Variants in EBF3 observed in about 807,000 individuals in gnomAD.
EBF3 encodes EBF transcription factor 3, also known as transcription factor COE3.
In EBF3, 18 loss-of-function variants were observed where a neutral mutation model predicts 77.1. The observed-to-expected ratio is 0.23, with a 90% CI of 0.16 to 0.35. EBF3 has a LOEUF of 0.35. Ranked by LOEUF, EBF3 falls within the 10% of genes least tolerant of loss-of-function variation. The pLI is 1.00. For missense variants in EBF3, 558 were observed against 860.0 expected, an observed-to-expected ratio of 0.65 and a Z score of 4.39; for synonymous variants, 350 against 343.5, an observed-to-expected ratio of 1.02 and a Z score of -0.21.
rs371998392 is a variant in EBF3 at position 129,873,449 on chromosome 10, T to C, written c.781+3A>G. The C allele has an allele frequency of 6.6e-6, 10 of 1,526,456 alleles. No homozygotes were observed. The highest frequency in any genetic ancestry group is 8.8e-6 in the Non-Finnish European group (10 of 1,135,138). 94.6% of individuals were successfully genotyped at this position (1,526,456 alleles called of 1,614,324 possible). A position where few individuals can be genotyped will look rare whatever the true frequency, so the allele number is the denominator to read the frequency against. On this transcript the variant is annotated splice_donor_region_variant and intron_variant, in intron 8 of 16. Coordinates refer to ENST00000440978, the MANE Select transcript of EBF3 (RefSeq NM_001375380.1). ...TAAAAAAAGACATGTAACATGTGCC[T>C]ACCATTTTCCAGATAAGAAGGGGCC...
Position 129,878,692 on chromosome 10 carries a change from G to A in EBF3, c.555-843C>T, listed in dbSNP as rs1589769148. Among the ~76,000 whole-genome samples, 3 of 139,246 alleles carry A rather than the reference G, an allele frequency of 2.2e-5. No homozygotes were observed. In the South Asian group the frequency reaches 7.1e-4, roughly 33 times the overall value. 91.4% of individuals were successfully genotyped at this position (139,246 alleles called of 152,430 possible). On this transcript the variant is annotated intron_variant, in intron 6 of 16. Coordinates refer to ENST00000440978, the MANE Select transcript of EBF3 (RefSeq NM_001375380.1). ...AAAAAAAAAAAAAAAAAGAGTTACA[G>A]TAGGTACAGCTCTTAAAAAGCAATT...
chr10:129,868,912 G>A (rs555073344), intron 8 of EBF3, among the ~76,000 whole-genome samples: 68 of 152,350 alleles, frequency 4.5e-4, no homozygotes, highest in African/African-American at 1.6e-3. Flanking sequence ...CTCGGAGCCT[G>A]TCACCTGCAG....
At position 129,943,048 on chromosome 10, in the gene EBF3, C is replaced by T. The variant is rs1003860817; in HGVS notation, c.554+14210G>A. Among the ~76,000 whole-genome samples, 28 of 152,276 alleles carry T rather than the reference C, an allele frequency of 1.8e-4. No individual in the cohort carries two copies. The highest frequency in any genetic ancestry group is 6.5e-4 in the African/African-American group (27 of 41,546). ...CTAAGAGGAAGGTAGCAGATACAAC[C>T]GATTCCTGTCCTCCATTCTAAACCA... On this transcript the variant is annotated intron_variant, in intron 6 of 16. Transcript: ENST00000440978. This position sits in a 1 kb window ranked among gnomAD's most constrained non-coding sequence, Gnocchi z 8.8.
In EBF3 at chr10:129,837,746, G is replaced by A; in HGVS notation, c.*197C>T. 1.6e-6 allele frequency: 1 copy of A among 635,132 alleles called. No homozygotes were observed. The highest frequency in any genetic ancestry group is 2.7e-6 in the Non-Finnish European group (1 of 366,392). The allele number at this position is 635,132 out of a possible 1,614,324, so 39.3% of individuals were successfully genotyped here. ...AATGGAATTGTTCATGAAGAAGTAGGCTGTTTGCATGTTGATTCTTAATAG... is the reference window on the plus strand; with the variant it reads ...AATGGAATTGTTCATGAAGAAGTAGACTGTTTGCATGTTGATTCTTAATAG... On this transcript the variant is annotated 3_prime_UTR_variant, in exon 17 of 17. Coordinates refer to ENST00000440978, the MANE Select transcript of EBF3 (RefSeq NM_001375380.1).
intron 5 of EBF3, 71 bp from the exon 6 acceptor site, chr10:129,957,397 T>C: frequency 7.3e-7 from 1 of 1,377,270 alleles, no homozygotes. Flanking sequence ...TATTTTTTTT[T>C]TTTTCTGACG....
intron 6 of EBF3, among the ~76,000 whole-genome samples, chr10:129,916,253 A>G (rs1048116525): frequency 2.6e-5 from 4 of 152,196 alleles, no homozygotes; most frequent in Non-Finnish European, 5.9e-5. Context: ...CACCAGGCCC[A>G]GGTGCACCAC....
chr10:129,933,123 G>A (rs996437245), intron 6 of EBF3, among the ~76,000 whole-genome samples: 3 of 152,128 alleles, frequency 2.0e-5, no homozygotes, highest in Non-Finnish European at 4.4e-5. Flanking sequence ...ATTGATGGAC[G>A]TGGAGGAGGG....
At position 129,938,029 on chromosome 10, in the gene EBF3, C is replaced by G. The variant is rs1310193136; in HGVS notation, c.554+19229G>C. ...ACTTCGAAATGGTACAAGCTATTTT[C>G]TGGCATGTTCATTGACATCACATAC... On this transcript the variant is annotated intron_variant, in intron 6 of 16. Coordinates refer to ENST00000440978, the MANE Select transcript of EBF3 (RefSeq NM_001375380.1). This position sits in a 1 kb window ranked among gnomAD's most constrained non-coding sequence, Gnocchi z 5.1. 6.6e-6 allele frequency among the ~76,000 whole-genome samples: 1 copy of G among 152,196 alleles called. No homozygotes were observed. Among genetic ancestry groups the G allele is most frequent in the South Asian group, 2.1e-4 (1 of 4,822 alleles).
intron 6 of EBF3, among the ~76,000 whole-genome samples, chr10:129,889,131 C>A (rs902923228): frequency 3.3e-5 from 5 of 152,232 alleles, no homozygotes; most frequent in Admixed American, 3.3e-4. Flanking sequence ...TGGTTCTTTG[C>A]AAAGGACATG....
At chr10:129,901,847 T>C (rs1219842050) in intron 6 of EBF3, among the ~76,000 whole-genome samples, 1 of 152,200 alleles carries the variant, frequency 6.6e-6, no homozygotes, top group African/African-American at 2.4e-5. Flanking sequence ...TTGGGGACCC[T>C]TGACTGACAG....
chr10:129,870,780 C>T lies in EBF3; in HGVS notation c.781+2672G>A, dbSNP rs1852352962. ...GGAAACCCGTGTTGGAGACCCATAT[C>T]TTTGGGTTTTTTTCCTTTCTTTTGG... On this transcript the variant is annotated intron_variant, in intron 8 of 16. Coordinates refer to ENST00000440978, the MANE Select transcript of EBF3 (RefSeq NM_001375380.1). This position sits in a 1 kb window ranked among gnomAD's most constrained non-coding sequence, Gnocchi z 4.4. Among the ~76,000 whole-genome samples the T allele has an allele frequency of 6.6e-6, 1 of 152,136 alleles. No individual in the cohort carries two copies. The highest frequency in any genetic ancestry group is 1.5e-5 in the Non-Finnish European group (1 of 68,028).
chr10:129,840,179 C>A, intron 15 of EBF3, 66 bp downstream of exon 15: 19 of 1,265,400 alleles, frequency 1.5e-5, no homozygotes, highest in Non-Finnish European at 2.1e-5. Flanking sequence ...CGAGCCCCCA[C>A]CCCCACTCCC....
Position 129,935,550 on chromosome 10 carries a change from C to T in EBF3, c.554+21708G>A, listed in dbSNP as rs1351048348. Among the ~76,000 whole-genome samples the T allele has an allele frequency of 6.6e-6, 1 of 152,220 alleles. No homozygotes were observed. The highest frequency in any genetic ancestry group is 1.5e-5 in the Non-Finnish European group (1 of 68,048). On this transcript the variant is annotated intron_variant, in intron 6 of 16. Transcript: ENST00000440978. This position sits in a 1 kb window ranked among gnomAD's most constrained non-coding sequence, Gnocchi z 4.2. ...CGCCAACTGCGGAGCACCAAGCACC[C>T]ATATGTAAGGCATGGGGTTAGATAC...
intron 6 of EBF3, among the ~76,000 whole-genome samples, chr10:129,926,627 C>T: frequency 6.6e-6 from 1 of 152,262 alleles, no homozygotes; most frequent in East Asian, 1.9e-4. Flanking sequence ...GACTGGAGCA[C>T]CCACTGGCAC....
intron 6 of EBF3, among the ~76,000 whole-genome samples, chr10:129,936,978 A>G (rs1481362337): frequency 6.6e-6 from 1 of 152,178 alleles, no homozygotes; most frequent in Non-Finnish European, 1.5e-5. Flanking sequence ...CGGACGTGTG[A>G]GAACAACCCT....
intron 6 of EBF3, among the ~76,000 whole-genome samples, chr10:129,894,312 T>C (rs188511935): frequency 5.3e-5 from 8 of 152,318 alleles, no homozygotes; most frequent in African/African-American, 1.9e-4. Context: ...AATCCATAAA[T>C]GAAGGGGGTT....
intron 6 of EBF3, among the ~76,000 whole-genome samples, chr10:129,950,290 G>A (rs1188555005): frequency 6.6e-6 from 1 of 152,206 alleles, no homozygotes; most frequent in East Asian, 1.9e-4. Context: ...GTTTGCAGAG[G>A]ATGCGCCCCA....
chr10:129,950,857 T>C (rs544303852), intron 6 of EBF3, among the ~76,000 whole-genome samples: 2 of 152,322 alleles, frequency 1.3e-5, no homozygotes, highest in Admixed American at 1.3e-4. Context: ...TTTCTCCAAG[T>C]GTAGGCTGCA....
chr10:129,875,454 T>C (rs6482760), intron 7 of EBF3, among the ~76,000 whole-genome samples: 136,378 of 152,214 alleles, frequency 0.9, 61,416 homozygotes, highest in African/African-American at 0.98. Flanking sequence ...CCTCAGCCTC[T>C]CAAAGTGCTG....
Sources: gnomAD v4.1 joint callset for allele counts (sites outside exome capture counted in the v4.1 genomes callset) on GRCh38, gnomAD v4.1.1 for gene constraint, Gnocchi (gnomAD v3.1) non-coding constraint, MANE v1.5 for transcripts, NCBI Gene and HGNC (gene_info 2026-07-23, HGNC 2026-07-21) for gene names.